Variants in LUZP2 observed in about 807,000 individuals in gnomAD.
The protein encoded by LUZP2 is leucine zipper protein 2.
In LUZP2, 52 loss-of-function variants were observed where a neutral mutation model predicts 51.6. The ratio of observed to expected loss-of-function variants is 1.01; its 90% confidence interval spans 0.81 to 1.27. LUZP2 has a LOEUF of 1.27. LUZP2 is among the 50% of genes most tolerant of loss of function. The pLI is 0.00. For synonymous variants in LUZP2, 154 were observed against 137.3 expected, an observed-to-expected ratio of 1.12 and a Z score of -0.85; for missense variants, 436 against 395.4, an observed-to-expected ratio of 1.10 and a Z score of -0.87.
At chr11:24,881,315 CA>C (rs3078893) in intron 5 of LUZP2, among the ~76,000 whole-genome samples, 19,629 of 127,514 alleles carry the variant, frequency 0.15, 1,316 homozygotes, top group Middle Eastern at 0.23. Context: ...GAGTAATTGC[CA>C]AAAAAAAAAA....
In LUZP2 at chr11:24,826,190, A is replaced by AAATATATATATAT. The variant is rs1215786412; in HGVS notation, c.396+62883_396+62884insATATATATATATA. Among the ~76,000 whole-genome samples, 272 of 67,498 alleles carry AAATATATATATAT rather than the reference A, an allele frequency of 4.0e-3. 6 individuals are homozygous for AAATATATATATAT. Among genetic ancestry groups the AAATATATATATAT allele is most frequent in the Admixed American group, 0.019 (79 of 4,234 alleles). 44.3% of individuals were successfully genotyped at this position (67,498 alleles called of 152,430 possible). A position where few individuals can be genotyped will look rare whatever the true frequency, so the allele number is the denominator to read the frequency against. The stretch of plus-strand genomic sequence containing the variant: ...GACTCCATCTCAAAAAAAAAAAAAA[A>AAATATATATATAT]ATATATATATATATATATAGTAAAA... On this transcript the variant is annotated intron_variant, in intron 5 of 11. Coordinates refer to ENST00000336930, the MANE Select transcript of LUZP2 (RefSeq NM_001009909.4).
intron 1 of LUZP2, among the ~76,000 whole-genome samples, chr11:24,500,079 C>A (rs963760583): frequency 3.3e-5 from 5 of 152,118 alleles, no homozygotes. Flanking sequence ...TCTGAAGCAA[C>A]TTTAGATGCT....
chr11:24,879,387 G>A (rs1286853454), intron 5 of LUZP2, among the ~76,000 whole-genome samples: 3 of 152,072 alleles, frequency 2.0e-5, no homozygotes, highest in South Asian at 2.1e-4. Context: ...ATGCATGTAC[G>A]TATGTCTTTA....
chr11:24,520,368 T>C (rs1044830849), intron 1 of LUZP2, among the ~76,000 whole-genome samples: 5 of 152,228 alleles, frequency 3.3e-5, no homozygotes, highest in Non-Finnish European at 5.9e-5. Flanking sequence ...TAAATACTTA[T>C]GTCTGTAGTT....
intron 1 of LUZP2, among the ~76,000 whole-genome samples, chr11:24,692,866 G>A (rs1857118968): frequency 6.6e-6 from 1 of 151,792 alleles, no homozygotes; most frequent in Non-Finnish European, 1.5e-5. Flanking sequence ...AAAAACACAT[G>A]GCATTTTCCC....
intron 5 of LUZP2, among the ~76,000 whole-genome samples, chr11:24,847,047 C>T (rs1303974239): frequency 1.3e-5 from 2 of 151,632 alleles, no homozygotes; most frequent in Admixed American, 6.6e-5. Flanking sequence ...TATATAGATA[C>T]ATTTCTAATT....
chr11:24,540,206 C>T (rs1257780406), intron 1 of LUZP2, among the ~76,000 whole-genome samples: 4 of 152,074 alleles, frequency 2.6e-5, no homozygotes, highest in African/African-American at 9.7e-5. Flanking sequence ...TCTCTCTTTA[C>T]AATTACGACT....
At position 24,602,285 on chromosome 11, in the gene LUZP2, CAT is replaced by C. The variant is rs760557126; in HGVS notation, c.62+104987_62+104988del. The stretch of plus-strand genomic sequence containing the variant: ...ATATATGTACATACATATATACACA[CAT>C]ATATATGTACATACATATATACACA... On this transcript the variant is annotated intron_variant, in intron 1 of 11. Coordinates refer to ENST00000336930, the MANE Select transcript of LUZP2 (RefSeq NM_001009909.4). 2.6e-3 allele frequency among the ~76,000 whole-genome samples: 263 copies of C among 99,470 alleles called. 1 individual carries two copies. The highest frequency in any genetic ancestry group is 5.4e-3 in the African/African-American group (127 of 23,700). The allele number at this position is 99,470 out of a possible 152,430, so 65.3% of individuals were successfully genotyped here.
At chr11:24,871,264 T>G (rs111852251) in intron 5 of LUZP2, among the ~76,000 whole-genome samples, 2 of 152,232 alleles carry the variant, frequency 1.3e-5, no homozygotes, top group African/African-American at 4.8e-5. Flanking sequence ...GAATTTAAAT[T>G]ACTTTTGTCA....
chr11:24,805,126 T>A (rs990696555), intron 5 of LUZP2, among the ~76,000 whole-genome samples: 9 of 151,884 alleles, frequency 5.9e-5, no homozygotes, highest in Non-Finnish European at 1.0e-4. Flanking sequence ...CAGATCCACA[T>A]GACTGGAGAG....
At chr11:24,734,172 A>G (rs577843466) in intron 3 of LUZP2, among the ~76,000 whole-genome samples, 1 of 151,958 alleles carries the variant, frequency 6.6e-6, no homozygotes, top group African/African-American at 2.4e-5. Flanking sequence ...CTACTTAGAG[A>G]CAAGGACAGG....
chr11:24,937,601 C>A (rs1854623180), intron 7 of LUZP2, among the ~76,000 whole-genome samples: 1 of 152,082 alleles, frequency 6.6e-6, no homozygotes, highest in African/African-American at 2.4e-5. Flanking sequence ...TAGTCTCATT[C>A]AAGAAATACG....
At chr11:24,749,259 A>C (rs1303512611) in intron 4 of LUZP2, among the ~76,000 whole-genome samples, 1 of 152,152 alleles carries the variant, frequency 6.6e-6, no homozygotes, top group Non-Finnish European at 1.5e-5. Flanking sequence ...TAAGAAGATA[A>C]AAAAGGAGAT....
At chr11:24,621,584 T>C (rs75587388) in intron 1 of LUZP2, among the ~76,000 whole-genome samples, 3,931 of 152,288 alleles carry the variant, frequency 0.026, 171 homozygotes, top group African/African-American at 0.09. Flanking sequence ...CTGTCATTAA[T>C]TGAAAAGCCT....
chr11:24,524,102 C>T (rs1487163820), intron 1 of LUZP2, among the ~76,000 whole-genome samples: 2 of 151,684 alleles, frequency 1.3e-5, no homozygotes, highest in Admixed American at 1.3e-4. Context: ...TTTATGGATA[C>T]TGGAAGTGTT....
At chr11:24,999,689 A>T (rs976900336) in intron 9 of LUZP2, among the ~76,000 whole-genome samples, 1 of 152,134 alleles carries the variant, frequency 6.6e-6, no homozygotes, top group Non-Finnish European at 1.5e-5. Flanking sequence ...TAAGTGACAC[A>T]TGCAATGTTA....
At chr11:24,765,175 C>T (rs2631410) in intron 5 of LUZP2, among the ~76,000 whole-genome samples, 89,386 of 151,568 alleles carry the variant, frequency 0.59, 26,725 homozygotes, top group Non-Finnish European at 0.66. Flanking sequence ...ATAATCAGTA[C>T]GCATGTAGAG....
intron 1 of LUZP2, among the ~76,000 whole-genome samples, chr11:24,580,782 C>A (rs1489045430): frequency 3.3e-5 from 5 of 151,992 alleles, no homozygotes; most frequent in Non-Finnish European, 7.4e-5. Context: ...GTGTTCATTA[C>A]CAAAAGGCAT....
chr11:24,549,949 T>C (rs1851676593), intron 1 of LUZP2, among the ~76,000 whole-genome samples: 1 of 152,018 alleles, frequency 6.6e-6, no homozygotes, highest in East Asian at 1.9e-4. Flanking sequence ...GACCATCATG[T>C]CCTAGGCTAG....
Sources: allele counts gnomAD v4.1 joint callset (sites outside exome capture counted in the v4.1 genomes callset), GRCh38; gene constraint gnomAD v4.1.1; transcripts MANE v1.5; gene names NCBI Gene and HGNC (gene_info 2026-07-23, HGNC 2026-07-21).